CSNK2A2IP: variants seen among roughly 807,000 people sequenced by gnomAD.
CSNK2A2IP encodes the protein casein kinase 2 subunit alpha' interacting protein, also known as casein kinase II subunit alpha'-interacting protein.
At chr3:88,465,414 A>C in the CSNK2A2IP span, 2 of 1,231,548 alleles carry the variant, frequency 1.6e-6, no homozygotes, top group Non-Finnish European at 2.0e-6. Flanking sequence ...ACTTCTACCA[A>C]CTGTCCTCAG....
At chr3:88,414,368 C>T in the CSNK2A2IP span, among the ~76,000 whole-genome samples, 684 of 146,382 alleles carry the variant, frequency 4.7e-3, 4 homozygotes, top group Non-Finnish European at 6.9e-3. Context: ...CTGTAACCTC[C>T]GCCTCCTGGG....
chr3:88,462,348 G>A, the CSNK2A2IP span, among the ~76,000 whole-genome samples: 1 of 152,038 alleles, frequency 6.6e-6, no homozygotes, highest in African/African-American at 2.4e-5. Context: ...ATTGTAGCAT[G>A]TGCATTTTCT....
At chr3:88,360,781 A>G in the CSNK2A2IP span, among the ~76,000 whole-genome samples, 10 of 151,822 alleles carry the variant, frequency 6.6e-5, no homozygotes, top group Admixed American at 5.2e-4. Flanking sequence ...TTTGTTGTGT[A>G]TAAGTGGATT....
chr3:88,436,279 G>A, the CSNK2A2IP span, among the ~76,000 whole-genome samples: 1 of 152,030 alleles, frequency 6.6e-6, no homozygotes, highest in African/African-American at 2.4e-5. Context: ...TTTTTGCACT[G>A]TAATGCTGAA....
At chr3:88,439,713 G>A in the CSNK2A2IP span, among the ~76,000 whole-genome samples, 21 of 141,048 alleles carry the variant, frequency 1.5e-4, no homozygotes, top group Non-Finnish European at 2.7e-4. Context: ...CAGCACTCCA[G>A]CCTAGCGACA....
chr3:88,363,577 T>A, the CSNK2A2IP span, among the ~76,000 whole-genome samples: 23 of 152,344 alleles, frequency 1.5e-4, no homozygotes, highest in Admixed American at 1.0e-3. Context: ...AATCGTTGAT[T>A]TGCATGTTTC....
chr3:88,465,333 A>G, the CSNK2A2IP span: 1 of 1,226,132 alleles, frequency 8.2e-7, no homozygotes, highest in Non-Finnish European at 1.0e-6. Flanking sequence ...AACTGCTTTT[A>G]AAAAGACCTC....
chr3:88,370,209 G>A, the CSNK2A2IP span, among the ~76,000 whole-genome samples: 6 of 151,876 alleles, frequency 4.0e-5, no homozygotes, highest in African/African-American at 1.4e-4. Flanking sequence ...TATTTGGAAT[G>A]GGCATTGCAA....
At chr3:88,399,816 G>C in the CSNK2A2IP span, 1 of 152,160 alleles carries the variant, frequency 6.6e-6, no homozygotes, top group Non-Finnish European at 1.5e-5. Flanking sequence ...CCAGTGAAGC[G>C]AATTACAAAG....
chr3:88,342,672 A>G, the CSNK2A2IP span, among the ~76,000 whole-genome samples: 1 of 151,086 alleles, frequency 6.6e-6, no homozygotes, highest in South Asian at 2.1e-4. Flanking sequence ...ACATGTCTAT[A>G]TTGTCAGAAA....
the CSNK2A2IP span, among the ~76,000 whole-genome samples, chr3:88,393,036 G>A: frequency 6.6e-6 from 1 of 152,182 alleles, no homozygotes; most frequent in African/African-American, 2.4e-5. Context: ...TTTGCCCTTT[G>A]TATCAGGAGG....
the CSNK2A2IP span, among the ~76,000 whole-genome samples, chr3:88,463,261 T>C: frequency 6.6e-6 from 1 of 151,858 alleles, no homozygotes; most frequent in African/African-American, 2.4e-5. Flanking sequence ...TAGTTTTTTT[T>C]TTTTTTGTAT....
the CSNK2A2IP span, among the ~76,000 whole-genome samples, chr3:88,439,686 G>T: frequency 1.5e-4 from 22 of 147,490 alleles, no homozygotes; most frequent in African/African-American, 5.3e-4. Context: ...AGGTTGCAGT[G>T]AGCCGAGATC....
At chr3:88,348,263 G>T in the CSNK2A2IP span, among the ~76,000 whole-genome samples, 1 of 151,940 alleles carries the variant, frequency 6.6e-6, no homozygotes, top group Non-Finnish European at 1.5e-5. Context: ...GTTCAAAGGG[G>T]TTTGAATTAA....
At chr3:88,456,810 CTTGT>C in the CSNK2A2IP span, among the ~76,000 whole-genome samples, 4 of 151,880 alleles carry the variant, frequency 2.6e-5, no homozygotes, top group African/African-American at 9.7e-5. Context: ...GTTCCATTTA[CTTGT>C]TTGTCTACCT....
At chr3:88,401,325 T>C in the CSNK2A2IP span, among the ~76,000 whole-genome samples, 7 of 152,150 alleles carry the variant, frequency 4.6e-5, no homozygotes, top group Non-Finnish European at 1.0e-4. Context: ...ACTATCATTA[T>C]TTAGATAAAA....
chr3:88,370,124 T>C, the CSNK2A2IP span, among the ~76,000 whole-genome samples: 2 of 151,742 alleles, frequency 1.3e-5, no homozygotes, highest in Non-Finnish European at 2.9e-5. Flanking sequence ...GAAAGGAGAT[T>C]TCAGAGCCAC....
At chr3:88,466,123 T>C in the CSNK2A2IP span, 2 of 1,231,522 alleles carry the variant, frequency 1.6e-6, no homozygotes, top group Admixed American at 4.2e-5. Flanking sequence ...AAGTGACTTA[T>C]TTTGGACATC....
the CSNK2A2IP span, among the ~76,000 whole-genome samples, chr3:88,452,178 ATT>A: frequency 6.8e-6 from 1 of 146,362 alleles, no homozygotes; most frequent in Non-Finnish European, 1.5e-5. Context: ...CTCGGTTTAG[ATT>A]TTTTTTTTTT....
Sources: allele counts gnomAD v4.1 joint callset (sites outside exome capture counted in the v4.1 genomes callset), GRCh38; gene constraint gnomAD v4.1.1; transcripts MANE v1.5; gene names NCBI Gene and HGNC (gene_info 2026-07-23, HGNC 2026-07-21).